NAV2: variants seen among roughly 807,000 people sequenced by gnomAD.
The protein encoded by NAV2 is helicase, APC down-regulated 1.
A neutral mutation model predicts 223.2 loss-of-function variants in NAV2; 54 were observed. The observed-to-expected ratio is 0.24, with a 90% CI of 0.19 to 0.30. The LOEUF (loss-of-function observed/expected upper bound fraction) is 0.30, where lower values mean the gene tolerates loss of function less well. Among genes scored for constraint, NAV2 ranks in the 10% least tolerant of loss-of-function variants. NAV2 has a pLI of 1.00. For missense variants in NAV2, 2,806 were observed against 3,147.5 expected, an observed-to-expected ratio of 0.89 and a Z score of 2.60; for synonymous variants, 1,279 against 1,239.3, an observed-to-expected ratio of 1.03 and a Z score of -0.67.
intron 24 of NAV2, among the ~76,000 whole-genome samples, chr11:20,079,552 A>G (rs1465626581): frequency 6.6e-6 from 1 of 152,202 alleles, no homozygotes; most frequent in Non-Finnish European, 1.5e-5. Context: ...CGAAAAAGTG[A>G]TAATAGCTTT....
At position 19,874,354 on chromosome 11, in the gene NAV2, G is replaced by A. The variant is rs560114670; in HGVS notation, c.511+5357G>A. 5.3e-5 allele frequency among the ~76,000 whole-genome samples: 8 copies of A among 152,344 alleles called. No individual in the cohort carries two copies. The South Asian group carries it at 1.7e-3, about 32-fold the overall frequency. On this transcript the variant is annotated intron_variant, in intron 4 of 37. Transcript: ENST00000349880. ...ACAAGAGTGGCCACAGGAAGAGAAA[G>A]AACAGGGCTCCAGGTTGGGTTTAGC... is the stretch of plus-strand genomic sequence containing the variant.
chr11:19,409,921 C>T (rs932018509), intron 1 of NAV2, among the ~76,000 whole-genome samples: 1 of 152,138 alleles, frequency 6.6e-6, no homozygotes, highest in Non-Finnish European at 1.5e-5. Flanking sequence ...TGGGCTGAGA[C>T]AGGCGGCTCA....
intron 11 of NAV2, among the ~76,000 whole-genome samples, chr11:20,009,964 C>A (rs931462012): frequency 3.3e-5 from 5 of 151,634 alleles, no homozygotes; most frequent in African/African-American, 1.2e-4. Flanking sequence ...CCAAATACAT[C>A]CTATTATAAC....
chr11:19,548,250 C>T (rs555080020), intron 1 of NAV2, among the ~76,000 whole-genome samples: 1 of 152,278 alleles, frequency 6.6e-6, no homozygotes, highest in Admixed American at 6.5e-5. Flanking sequence ...AACCCTGAAA[C>T]AGCAAAGATG....
At chr11:19,749,410 A>T (rs1049507987) in intron 1 of NAV2, among the ~76,000 whole-genome samples, 6 of 152,140 alleles carry the variant, frequency 3.9e-5, no homozygotes, top group Non-Finnish European at 7.3e-5. Flanking sequence ...ATTTTTTATG[A>T]TGACTTTATT....
chr11:20,116,325 A>T (rs555464852), intron 37 of NAV2, among the ~76,000 whole-genome samples: 7 of 152,318 alleles, frequency 4.6e-5, no homozygotes, highest in Admixed American at 2.6e-4. Context: ...GTTTGGTGGG[A>T]TGTAGCTGTG....
At chr11:19,961,841 G>C (rs932605494) in intron 10 of NAV2, among the ~76,000 whole-genome samples, 1 of 152,018 alleles carries the variant, frequency 6.6e-6, no homozygotes, top group African/African-American at 2.4e-5. Flanking sequence ...TTACGAAGAT[G>C]ATGTCAGGCA....
At chr11:20,088,240 C>T (rs776647395) in intron 26 of NAV2, among the ~76,000 whole-genome samples, 8 of 152,164 alleles carry the variant, frequency 5.3e-5, no homozygotes, top group African/African-American at 1.2e-4. Flanking sequence ...TGCAGTGGCG[C>T]GATCTTGGCT....
At chr11:19,358,917 C>T (rs934795636) in intron 1 of NAV2, among the ~76,000 whole-genome samples, 3 of 152,208 alleles carry the variant, frequency 2.0e-5, no homozygotes, top group Non-Finnish European at 4.4e-5. Flanking sequence ...ACACTTTGCA[C>T]CTCACATGTG....
At chr11:19,626,282 G>A (rs571642514) in intron 1 of NAV2, among the ~76,000 whole-genome samples, 9 of 152,076 alleles carry the variant, frequency 5.9e-5, no homozygotes, top group Non-Finnish European at 1.3e-4. Flanking sequence ...TATTGAAGAG[G>A]GTGTCCTTTC....
rs774100669 is a variant in NAV2, at chr11:19,892,469, G to T, written c.806G>T (p.Gly269Val). The change falls in exon 6 of 38, where the codon GGC (glycine) becomes GTC (valine). Residue 269 changes from glycine to valine, a missense_variant. By Grantham distance (109) the Gly-to-Val change is moderately radical (BLOSUM62 -3). Coordinates refer to ENST00000349880, the MANE Select transcript of NAV2 (RefSeq NM_145117.5). ...CCTACCGCGAGGGTATCCGCTGCAG[G>T]CAGCGAGGCCAAAACACGCGGAGGG... ...PGPTARVSAAGSEAKTRGGST... is the reference protein window; with the variant it reads ...PGPTARVSAAVSEAKTRGGST... 1 of 1,614,106 alleles carries T rather than the reference G, an allele frequency of 6.2e-7. No individual in the cohort carries two copies. Among genetic ancestry groups the T allele is most frequent in the Admixed American group, 1.7e-5 (1 of 60,018 alleles).
intron 1 of NAV2, among the ~76,000 whole-genome samples, chr11:19,426,165 A>G (rs1437271582): frequency 6.6e-6 from 1 of 152,132 alleles, no homozygotes; most frequent in African/African-American, 2.4e-5. Flanking sequence ...GCAAAATTTG[A>G]CAGCTTCCTG....
intron 1 of NAV2, among the ~76,000 whole-genome samples, chr11:19,507,676 C>T (rs1384243307): frequency 6.6e-6 from 1 of 152,178 alleles, no homozygotes; most frequent in Non-Finnish European, 1.5e-5. Flanking sequence ...TAGACAGATA[C>T]TACATGGTTT....
chr11:19,406,725 C>G (rs1312190122), intron 1 of NAV2, among the ~76,000 whole-genome samples: 1 of 152,176 alleles, frequency 6.6e-6, no homozygotes, highest in Non-Finnish European at 1.5e-5. Flanking sequence ...TCTGGGCTTC[C>G]CTGCCCCATC....
At chr11:19,507,750 T>C (rs1034079682) in intron 1 of NAV2, among the ~76,000 whole-genome samples, 1 of 152,234 alleles carries the variant, frequency 6.6e-6, no homozygotes, top group African/African-American at 2.4e-5. Context: ...TTCCATTTAT[T>C]GAAGGCTTCC....
intron 1 of NAV2, among the ~76,000 whole-genome samples, chr11:19,543,371 A>G (rs1005309307): frequency 4.6e-5 from 7 of 152,212 alleles, no homozygotes; most frequent in Admixed American, 4.6e-4. Flanking sequence ...CCGATGATGC[A>G]TGCTGTCAAC....
chr11:19,693,078 A>C (rs567317461), intron 1 of NAV2, among the ~76,000 whole-genome samples: 1 of 152,248 alleles, frequency 6.6e-6, no homozygotes, highest in Non-Finnish European at 1.5e-5. Flanking sequence ...CCAATTAAGC[A>C]GATCATTTGG....
intron 3 of NAV2, 25 bp from the exon 4 acceptor site, chr11:19,868,900 A>G: frequency 6.2e-7 from 1 of 1,609,894 alleles, no homozygotes. Context: ...TTTATTAAGT[A>G]TATATTGTTG....
intron 10 of NAV2, among the ~76,000 whole-genome samples, chr11:19,949,997 C>T (rs1445767111): frequency 1.3e-5 from 2 of 152,236 alleles, no homozygotes; most frequent in East Asian, 1.9e-4. Flanking sequence ...CTGTATAGCA[C>T]GAGGCCTGGC....
Sources: gnomAD v4.1 joint callset for allele counts (sites outside exome capture counted in the v4.1 genomes callset) on GRCh38, gnomAD v4.1.1 for gene constraint, MANE v1.5 for transcripts, NCBI Gene and HGNC (gene_info 2026-07-23, HGNC 2026-07-21) for gene names.